FAM153A: variants seen among roughly 807,000 people sequenced by gnomAD.
FAM153A encodes the protein family with sequence similarity 153 member A.
A neutral mutation model predicts 48.1 loss-of-function variants in FAM153A; 12 were observed. The ratio of observed to expected loss-of-function variants is 0.25; its 90% CI spans 0.16 to 0.40. FAM153A has a LOEUF of 0.40. Among genes scored for constraint, FAM153A ranks in the 10% least tolerant of loss-of-function variants. The pLI, the probability that FAM153A is intolerant of heterozygous loss-of-function variation, is 1.00. For missense variants in FAM153A, 111 were observed against 345.8 expected (o/e 0.32, Z 5.38); for synonymous variants, 36 against 118.2 (o/e 0.30, Z 4.51).
chr5:177,728,571 TTTTG>T (rs1475209710), intron 18 of FAM153A, among the ~76,000 whole-genome samples: 2 of 143,354 alleles, frequency 1.4e-5, no homozygotes, highest in African/African-American at 5.4e-5. Context: ...TTTTGTTTGT[TTTTG>T]TTTTTTTTTT....
chr5:177,731,593 C>A lies in FAM153A; in HGVS notation c.838G>T (p.Val280Leu), dbSNP rs779388897. Reference sequence around the variant, plus strand: ...CTCTTTGCCAGCGTGGCTGGGTCCACCTGCATCTAGAGAAAAAGAAAACAC... The same window carrying A: ...CTCTTTGCCAGCGTGGCTGGGTCCAACTGCATCTAGAGAAAAAGAAAACAC... The change falls in exon 16 of 21, where the codon GTG (valine) becomes TTG (leucine). Residue 280 changes from valine to leucine, a missense_variant. Coordinates refer to ENST00000614127, the Ensembl canonical transcript of FAM153A. 56 of 1,075,864 alleles carry A rather than the reference C, an allele frequency of 5.2e-5. 20 individuals are homozygous for A. Among genetic ancestry groups the A allele is most frequent in the Admixed American group, 2.0e-4 (7 of 35,828 alleles). The allele number at this position is 1,075,864 out of a possible 1,614,324, so 66.6% of individuals were successfully genotyped here.
upstream of FAM153A, chr5:177,783,240 A>AG (rs1769846558): frequency 9.4e-6 from 1 of 106,094 alleles, no homozygotes; most frequent in Admixed American, 9.6e-5. Context: ...GGGATGGCGG[A>AG]GCTTCCCTTG....
chr5:177,717,365 G>A (rs1262957193), downstream of FAM153A: 1 of 147,652 alleles, frequency 6.8e-6, no homozygotes, highest in Non-Finnish European at 1.5e-5. Context: ...GGGAAAACAT[G>A]GGGAGTAGAC....
At chr5:177,743,193 T>TCTTTTTG (rs1162278043) in intron 6 of FAM153A, among the ~76,000 whole-genome samples, 3 of 51,212 alleles carry the variant, frequency 5.9e-5, no homozygotes, top group South Asian at 9.2e-4. Context: ...TTCACTTGTT[T>TCTTTTTG]TTTTTTTGTT....
intron 1 of FAM153A, among the ~76,000 whole-genome samples, chr5:177,758,447 A>G (rs1398538817): frequency 6.8e-6 from 1 of 146,774 alleles, no homozygotes; most frequent in Non-Finnish European, 1.5e-5. Flanking sequence ...TCTACCAATG[A>G]CTTTCTTCAC....
intron 1 of FAM153A, among the ~76,000 whole-genome samples, chr5:177,761,086 G>A (rs1192238661): frequency 4.0e-5 from 6 of 151,088 alleles, no homozygotes; most frequent in African/African-American, 1.5e-4. Flanking sequence ...ATCTGGATAT[G>A]CCATCATGCA....
chr5:177,700,571 G>C, the FAM153A span, among the ~76,000 whole-genome samples: 19 of 152,008 alleles, frequency 1.2e-4, no homozygotes, highest in African/African-American at 4.6e-4. Context: ...GGGATGCTGA[G>C]GTAGGTGGAT....
intron 19 of FAM153A, among the ~76,000 whole-genome samples, 156 bp from the exon 22 acceptor site, chr5:177,724,518 CT>C (rs1761925324): frequency 6.9e-6 from 1 of 144,724 alleles, no homozygotes; most frequent in African/African-American, 2.6e-5. Context: ...GCCCCCTCCC[CT>C]GGACCCTGTA....
At chr5:177,723,454 A>G (rs932885380) in exon 21 of FAM153A, 1 of 149,088 alleles carries the variant, frequency 6.7e-6, no homozygotes, top group African/African-American at 2.6e-5. Context: ...TGGCCCTGAA[A>G]TGTCTTCAAG....
chr5:177,717,207 C>T (rs888319126), exon 24 of FAM153A: 1 of 138,524 alleles, frequency 7.2e-6, no homozygotes, highest in Admixed American at 7.5e-5. Context: ...AGCCTCTACC[C>T]GAGTCATTTC....
At chr5:177,755,220 G>A (rs1211196579), upstream of FAM153A, among the ~76,000 whole-genome samples, 1 of 151,906 alleles carries the variant, frequency 6.6e-6, no homozygotes, top group East Asian at 1.9e-4. Flanking sequence ...CGATCAACTA[G>A]AAGAAAGGGT....
downstream of FAM153A, among the ~76,000 whole-genome samples, chr5:177,719,391 A>C (rs560127329): frequency 6.7e-6 from 1 of 148,196 alleles, no homozygotes; most frequent in Non-Finnish European, 1.5e-5. Flanking sequence ...ACCTCTATCA[A>C]AAAAGTACAG....
chr5:177,735,207 C>T (rs1387815557), intron 12 of FAM153A, among the ~76,000 whole-genome samples: 2 of 150,040 alleles, frequency 1.3e-5, no homozygotes, highest in East Asian at 1.9e-4. Context: ...AACTTGCCCT[C>T]TTATTGATCC....
intron 1 of FAM153A, among the ~76,000 whole-genome samples, chr5:177,752,618 CA>C (rs71274705): frequency 0.21 from 6,606 of 31,082 alleles, 95 homozygotes; most frequent in East Asian, 0.33. Flanking sequence ...GAGACTCTGC[CA>C]AAAAAAAAAA....
intron 1 of FAM153A, among the ~76,000 whole-genome samples, chr5:177,759,969 A>C (rs1379623590): frequency 1.3e-4 from 19 of 146,124 alleles, no homozygotes; most frequent in African/African-American, 4.6e-4. Flanking sequence ...AAAAGTAAAA[A>C]ATAAAAAAAA....
chr5:177,703,162 G>C (rs1234233338), downstream of FAM153A, among the ~76,000 whole-genome samples: 1 of 150,836 alleles, frequency 6.6e-6, no homozygotes, highest in Non-Finnish European at 1.5e-5. Context: ...GTGGTGTCGG[G>C]GGCTGAGCCT....
the FAM153A span, among the ~76,000 whole-genome samples, chr5:177,699,842 T>G: frequency 6.6e-6 from 1 of 151,112 alleles, no homozygotes; most frequent in Non-Finnish European, 1.5e-5. Context: ...AGGAAATACT[T>G]CCCAACTCCT....
chr5:177,754,580 A>G (rs1293717964), upstream of FAM153A, among the ~76,000 whole-genome samples: 1 of 151,896 alleles, frequency 6.6e-6, no homozygotes, highest in Admixed American at 6.6e-5. Flanking sequence ...ACTGGGAGGC[A>G]CCACCCAGTA....
downstream of FAM153A, chr5:177,706,905 CT>C (rs1464483099): frequency 6.6e-6 from 1 of 151,968 alleles, no homozygotes; most frequent in Non-Finnish European, 1.5e-5. Flanking sequence ...TATAGCTGTG[CT>C]TGTCACACAA....
Sources: allele counts gnomAD v4.1 joint callset (sites outside exome capture counted in the v4.1 genomes callset), GRCh38; gene constraint gnomAD v4.1.1; transcripts MANE v1.5; gene names NCBI Gene and HGNC (gene_info 2026-07-23, HGNC 2026-07-21).